Variants in TSHZ3 observed in about 807,000 individuals in gnomAD.
The protein encoded by TSHZ3 is teashirt homolog 3.
Under a neutral mutation model 64.5 loss-of-function variants are expected in TSHZ3, and 10 were observed. The ratio of observed to expected loss-of-function variants is 0.16; its 90% confidence interval spans 0.10 to 0.26. TSHZ3 has a LOEUF of 0.26. Among genes scored for constraint, TSHZ3 ranks in the 10% least tolerant of loss-of-function variants. The pLI is 1.00. For synonymous variants in TSHZ3, 608 were observed against 593.1 expected (o/e 1.03, Z -0.36); for missense variants, 1,242 against 1,421.7 (o/e 0.87, Z 2.03).
At chr19:31,174,707 T>C (rs1974583825) in intron 5 of TSHZ3, among the ~76,000 whole-genome samples, 1 of 152,184 alleles carries the variant, frequency 6.6e-6, no homozygotes. Context: ...ACTTTCTGTG[T>C]GTGATTTGAG....
rs1976222692 is a variant in TSHZ3 at position 31,275,936 on chromosome 19, A to T, written c.*611T>A. 6.6e-6 allele frequency: 1 copy of T among 152,602 alleles called. No homozygotes were observed. The highest frequency in any genetic ancestry group is 1.5e-5 in the Non-Finnish European group (1 of 68,024). The allele number at this position is 152,602 out of a possible 1,614,324, so 9.5% of individuals were successfully genotyped here. Reference sequence around the variant, plus strand: ...CCACAATCACATTTTTTTTCATAAGAGAGTCTGAAATCTATACAATATATA... The same window carrying T: ...CCACAATCACATTTTTTTTCATAAGTGAGTCTGAAATCTATACAATATATA... On this transcript the variant is annotated 3_prime_UTR_variant, in exon 2 of 2. Transcript: ENST00000240587.
intron 4 of TSHZ3, among the ~76,000 whole-genome samples, chr19:31,226,424 C>G (rs542710669): frequency 1.2e-3 from 182 of 152,194 alleles, no homozygotes; most frequent in African/African-American, 4.2e-3. Context: ...TCCTCTTTTG[C>G]TTGGTTCTCA....
downstream of TSHZ3, among the ~76,000 whole-genome samples, chr19:31,270,325 A>T (rs1044107310): frequency 2.0e-5 from 3 of 152,202 alleles, no homozygotes; most frequent in African/African-American, 7.2e-5. Context: ...TATAGAAAGC[A>T]TTGTCCAATG....
intron 1 of TSHZ3, among the ~76,000 whole-genome samples, chr19:31,282,660 A>G (rs1323984526): frequency 6.6e-6 from 1 of 152,150 alleles, no homozygotes; most frequent in Non-Finnish European, 1.5e-5. Context: ...GGGCTGGCCC[A>G]CAACACGCTC....
chr19:31,283,662 T>C (rs370346847), intron 1 of TSHZ3, among the ~76,000 whole-genome samples: 4 of 152,334 alleles, frequency 2.6e-5, no homozygotes, highest in African/African-American at 7.2e-5. Flanking sequence ...TATCATTTTA[T>C]GGCCTTTCAG....
intron 6 of TSHZ3, among the ~76,000 whole-genome samples, chr19:31,154,493 A>G (rs1337974743): frequency 1.3e-5 from 2 of 152,314 alleles, no homozygotes; most frequent in East Asian, 3.9e-4. Flanking sequence ...AGTGTTGTAG[A>G]AAAAAACCAG....
chr19:31,172,158 C>T (rs1031694680), intron 5 of TSHZ3, among the ~76,000 whole-genome samples: 3 of 152,058 alleles, frequency 2.0e-5, no homozygotes, highest in Non-Finnish European at 4.4e-5. Context: ...GAAGGGCGGC[C>T]GACCAAGATT....
intron 1 of TSHZ3, among the ~76,000 whole-genome samples, chr19:31,280,155 C>T (rs1005862117): frequency 2.0e-5 from 3 of 152,150 alleles, no homozygotes; most frequent in South Asian, 4.1e-4. Flanking sequence ...TATGCTTCTC[C>T]TACCCCTAAT....
chr19:31,300,312 A>G (rs757812735), intron 1 of TSHZ3, among the ~76,000 whole-genome samples: 3 of 152,242 alleles, frequency 2.0e-5, no homozygotes, highest in Non-Finnish European at 4.4e-5. Flanking sequence ...TAGAAACAAG[A>G]GCAGCTTCAA....
At chr19:31,270,820 T>A (rs1976124711), downstream of TSHZ3, among the ~76,000 whole-genome samples, 1 of 152,256 alleles carries the variant, frequency 6.6e-6, no homozygotes, top group Admixed American at 6.5e-5. Context: ...CTGAGTTGGC[T>A]AATTGTGGAT....
At chr19:31,231,506 T>C (rs1487758109) in intron 3 of TSHZ3, among the ~76,000 whole-genome samples, 2 of 152,182 alleles carry the variant, frequency 1.3e-5, no homozygotes, top group African/African-American at 2.4e-5. Context: ...GCATGATGTA[T>C]GAGGTGCCAT....
Position 31,278,721 on chromosome 19 carries a change from G to GC in TSHZ3, c.1071_1072insG (p.Pro358AlafsTer7), listed in dbSNP as rs755093450. Reference sequence around the variant, plus strand: ...TACCGATTATTTGGCGTGATGTAAGGGTTGGAGTTCTTCTGAAGTGCATCG... The same window carrying GC: ...TACCGATTATTTGGCGTGATGTAAGGCGTTGGAGTTCTTCTGAAGTGCATCG... On this transcript the variant is annotated frameshift_variant, in exon 2 of 2. Coordinates refer to ENST00000240587, the MANE Select transcript of TSHZ3 (RefSeq NM_020856.4). LOFTEE classifies it high-confidence loss of function. This position sits in a 1 kb window ranked among gnomAD's most constrained non-coding sequence, Gnocchi z 4.7. The GC allele has an allele frequency of 1.9e-6, 3 of 1,614,130 alleles. No homozygotes were observed. In the South Asian group the frequency reaches 3.3e-5, roughly 18 times the overall value.
intron 1 of TSHZ3, among the ~76,000 whole-genome samples, chr19:31,340,376 C>T (rs886433892): frequency 7.0e-6 from 1 of 142,654 alleles, no homozygotes; most frequent in African/African-American, 2.6e-5. Context: ...CACAGACTTC[C>T]TCTCACACCT....
chr19:31,202,028 G>A (rs1425840929), intron 5 of TSHZ3, among the ~76,000 whole-genome samples: 5 of 152,008 alleles, frequency 3.3e-5, no homozygotes, highest in Admixed American at 6.6e-5. Context: ...TTAGCTGAGC[G>A]TGCTGGCGGT....
intron 3 of TSHZ3, among the ~76,000 whole-genome samples, chr19:31,231,343 C>T (rs1447251761): frequency 1.3e-5 from 2 of 152,026 alleles, no homozygotes; most frequent in Non-Finnish European, 2.9e-5. Flanking sequence ...ATGCCAAAGC[C>T]CCTGGCTGAT....
rs1976311229 is a variant in TSHZ3 at position 31,279,087 on chromosome 19, T to A, written c.706A>T (p.Thr236Ser). The A allele has an allele frequency of 6.2e-7, 1 of 1,614,012 alleles. No homozygotes were observed. The highest frequency in any genetic ancestry group is 1.3e-5 in the African/African-American group (1 of 75,024). ...LVELTVHMNE[T>S]GHYRDDNHET... ...TGGTTGTCGTCGCGGTAATGCCCCG[T>A]CTCGTTCATGTGCACCGTCAACTCC... is the stretch of plus-strand genomic sequence containing the variant. Residue 236 changes from threonine (T) to serine (S), a missense_variant, in exon 2 of 2, where the codon ACG becomes TCG. Transcript: ENST00000240587. The surrounding 1 kb of genome is among the most constrained non-coding windows in gnomAD (Gnocchi z 6.4).
At chr19:31,160,296 G>C (rs1974359366) in intron 5 of TSHZ3, among the ~76,000 whole-genome samples, 1 of 152,198 alleles carries the variant, frequency 6.6e-6, no homozygotes, top group Non-Finnish European at 1.5e-5. Context: ...AGTTTGCACT[G>C]TAAGATGCAT....
At chr19:31,185,522 C>A (rs1974792348) in intron 5 of TSHZ3, among the ~76,000 whole-genome samples, 1 of 152,152 alleles carries the variant, frequency 6.6e-6, no homozygotes, top group Non-Finnish European at 1.5e-5. Flanking sequence ...GCAGAGGGAG[C>A]TCAGTGGAGT....
chr19:31,311,094 C>G (rs528720611), intron 1 of TSHZ3, among the ~76,000 whole-genome samples: 1 of 152,314 alleles, frequency 6.6e-6, no homozygotes, highest in South Asian at 2.1e-4. Flanking sequence ...AGGCTTTCAG[C>G]CACCCAAAAT....
Sources: gnomAD v4.1 joint callset for allele counts (sites outside exome capture counted in the v4.1 genomes callset) on GRCh38, gnomAD v4.1.1 for gene constraint, Gnocchi (gnomAD v3.1) non-coding constraint, MANE v1.5 for transcripts, NCBI Gene and HGNC (gene_info 2026-07-23, HGNC 2026-07-21) for gene names.